Variants in CYP20A1 observed in about 807,000 individuals in gnomAD.
CYP20A1 encodes cytochrome P450 20A1.
A neutral mutation model predicts 61.4 loss-of-function variants in CYP20A1; 61 were observed. The ratio of observed to expected loss-of-function variants is 0.99; its 90% CI spans 0.81 to 1.23. CYP20A1 has a LOEUF of 1.23. Among genes scored for constraint, CYP20A1 ranks in the 50% most tolerant of loss-of-function variants. The probability of loss-of-function intolerance (pLI) is 0.00; values close to 1 mark genes in which losing one functional copy is unlikely to be tolerated. For missense variants in CYP20A1, 530 were observed against 542.4 expected (o/e 0.98, Z 0.23); for synonymous variants, 193 against 188.2 (o/e 1.03, Z -0.21).
intron 6 of CYP20A1, among the ~76,000 whole-genome samples, chr2:203,276,255 A>G (rs955103229): frequency 1.3e-5 from 2 of 152,174 alleles, no homozygotes; most frequent in African/African-American, 4.8e-5. Flanking sequence ...GGTCAGAAAG[A>G]CTGGAGACAG....
chr2:203,272,949 C>A (rs1042799668), intron 6 of CYP20A1, among the ~76,000 whole-genome samples: 2 of 151,590 alleles, frequency 1.3e-5, no homozygotes, highest in Non-Finnish European at 2.9e-5. Context: ...CAGGTTCAAG[C>A]AATTCTCCTG....
intron 10 of CYP20A1, 102 bp from the exon 11 acceptor site, chr2:203,292,160 G>A (rs1052338916): frequency 6.3e-6 from 4 of 634,892 alleles, no homozygotes; most frequent in Non-Finnish European, 1.1e-5. Flanking sequence ...TTATTATTTT[G>A]TATTCAATAT....
intron 3 of CYP20A1, among the ~76,000 whole-genome samples, chr2:203,248,499 G>A (rs189949091): frequency 1.3e-5 from 2 of 151,766 alleles, no homozygotes; most frequent in Non-Finnish European, 2.9e-5. Flanking sequence ...ATACCACTGC[G>A]CTCCAGCCTG....
chr2:203,291,726 G>A (rs927578678), intron 10 of CYP20A1, among the ~76,000 whole-genome samples: 7 of 150,952 alleles, frequency 4.6e-5, no homozygotes, highest in African/African-American at 7.3e-5. Flanking sequence ...TGTGTACAAC[G>A]TGCAGGTTTG....
chr2:203,270,678 T>C (rs2067524893), intron 5 of CYP20A1, among the ~76,000 whole-genome samples: 1 of 151,892 alleles, frequency 6.6e-6, no homozygotes, highest in Non-Finnish European at 1.5e-5. Flanking sequence ...TGTTCTGTCA[T>C]GTTTAGAAAC....
intron 5 of CYP20A1, 79 bp from the exon 6 acceptor site, chr2:203,272,591 T>G: frequency 4.4e-5 from 23 of 518,954 alleles, no homozygotes; most frequent in Non-Finnish European, 6.1e-5. Flanking sequence ...AGTTCCTAAG[T>G]CATTAGGTTA....
In CYP20A1 at chr2:203,289,814, CCA is replaced by C. The variant is rs2068455083; in HGVS notation, c.1022_1023del (p.Pro341ArgfsTer9). The C allele has an allele frequency of 6.2e-7, 1 of 1,601,196 alleles. No homozygotes were observed. The highest frequency in any genetic ancestry group is 8.5e-7 in the Non-Finnish European group (1 of 1,173,234). On this transcript the variant is annotated frameshift_variant, in exon 10 of 13. Transcript: ENST00000356079. LOFTEE classifies it high-confidence loss of function. ...AACTGTTCGAACTGCCAAACTGACT[CCA>C]GTTTCTGCCCAGCTTCAAGATATTG... ...CETVRTAKLT[P>X]VSAQLQDIEG...
At chr2:203,281,685 C>T (rs1223530733) in intron 8 of CYP20A1, among the ~76,000 whole-genome samples, 1 of 151,938 alleles carries the variant, frequency 6.6e-6, no homozygotes, top group Admixed American at 6.6e-5. Flanking sequence ...CCTGTAATCT[C>T]AGCTACTGAG....
chr2:203,268,760 T>G (rs1169594622), intron 5 of CYP20A1, among the ~76,000 whole-genome samples: 1 of 152,268 alleles, frequency 6.6e-6, no homozygotes, highest in East Asian at 1.9e-4. Context: ...AGTGTATCCA[T>G]CACCCAAATA....
intron 5 of CYP20A1, among the ~76,000 whole-genome samples, chr2:203,271,003 T>G (rs1477249751): frequency 7.0e-6 from 1 of 142,778 alleles, no homozygotes; most frequent in African/African-American, 2.6e-5. Context: ...TACTATTCAT[T>G]TTTACAGTAG....
At chr2:203,246,033 G>T (rs2066448933) in intron 2 of CYP20A1, 138 bp downstream of exon 2, 18 of 596,982 alleles carry the variant, frequency 3.0e-5, no homozygotes. Flanking sequence ...TTGAGGCCAG[G>T]AGTTTAATGC....
At chr2:203,271,967 C>G (rs537631184) in intron 5 of CYP20A1, among the ~76,000 whole-genome samples, 1 of 152,042 alleles carries the variant, frequency 6.6e-6, no homozygotes, top group Non-Finnish European at 1.5e-5. Context: ...GTGGAAGTTG[C>G]AGTCAGCCGA....
intron 5 of CYP20A1, among the ~76,000 whole-genome samples, chr2:203,271,817 C>T (rs898033802): frequency 2.0e-5 from 3 of 152,096 alleles, no homozygotes; most frequent in African/African-American, 4.8e-5. Context: ...GGGTGGATCA[C>T]CTGAGGTCAG....
In CYP20A1 at chr2:203,300,495, A is replaced by G. The variant is rs945070064; in HGVS notation, c.*3587A>G. 1.8e-4 allele frequency among the ~76,000 whole-genome samples: 28 copies of G among 152,200 alleles called. No homozygotes were observed. The highest frequency in any genetic ancestry group is 5.5e-4 in the African/African-American group (23 of 41,450). ...GAACTATCAAATGGGTTTTTAATTG[A>G]TATTGAAGTAAGTAAGTTTTGTAGC... On this transcript the variant is annotated 3_prime_UTR_variant, in exon 13 of 13. Coordinates refer to ENST00000356079, the MANE Select transcript of CYP20A1 (RefSeq NM_177538.3).
chr2:203,249,907 A>T (rs1174043331), intron 3 of CYP20A1, among the ~76,000 whole-genome samples: 1 of 152,214 alleles, frequency 6.6e-6, no homozygotes, highest in Admixed American at 6.5e-5. Flanking sequence ...AGAAAGGAGT[A>T]AACAAATTTA....
In CYP20A1 at chr2:203,254,839, A is replaced by T. The variant is rs566803328; in HGVS notation, c.432+2730A>T. ...GTCCATCTCTACTAAAAATACAGAA[A>T]AATTAGCCGGGCGTGGTGGCACGTG... is the stretch of plus-strand genomic sequence containing the variant. On this transcript the variant is annotated intron_variant, in intron 4 of 12. Transcript: ENST00000356079. Among the ~76,000 whole-genome samples, 6 of 152,086 alleles carry T rather than the reference A, an allele frequency of 3.9e-5. No individual in the cohort carries two copies. In the East Asian group the frequency reaches 1.2e-3, roughly 29 times the overall value.
Position 203,292,167 on chromosome 2 carries a change from A to G in CYP20A1, c.1084-95A>G, listed in dbSNP as rs879203489. 18 of 686,920 alleles carry G rather than the reference A, an allele frequency of 2.6e-5. No individual in the cohort carries two copies. The South Asian group carries it at 2.7e-4, about 10-fold the overall frequency. 42.6% of individuals were successfully genotyped at this position (686,920 alleles called of 1,614,324 possible). On this transcript the variant is annotated intron_variant, in intron 10 of 12. Coordinates refer to ENST00000356079, the MANE Select transcript of CYP20A1 (RefSeq NM_177538.3). ...TTTTTAAATTATTATTTTGTATTCAATATCTATATTAAAAGAAGTTTGGAA... is the reference window on the plus strand; with the variant it reads ...TTTTTAAATTATTATTTTGTATTCAGTATCTATATTAAAAGAAGTTTGGAA...
chr2:203,239,030 G>T lies in CYP20A1; in HGVS notation c.-33G>T, dbSNP rs764296404. 3 of 1,604,548 alleles carry T rather than the reference G, an allele frequency of 1.9e-6. No individual in the cohort carries two copies. Among genetic ancestry groups the T allele is most frequent in the South Asian group, 2.2e-5 (2 of 90,886 alleles). On this transcript the variant is annotated 5_prime_UTR_variant, in exon 1 of 13. Coordinates refer to ENST00000356079, the MANE Select transcript of CYP20A1 (RefSeq NM_177538.3). The stretch of plus-strand genomic sequence containing the variant: ...CTGAGGCGCTGCTGCTGGAGCGGCC[G>T]ATCCGAGACGTGGCTCCCTGGGCGG...
intron 1 of CYP20A1, among the ~76,000 whole-genome samples, chr2:203,243,977 A>G (rs1195807079): frequency 6.6e-6 from 1 of 152,146 alleles, no homozygotes; most frequent in Non-Finnish European, 1.5e-5. Context: ...GATGCAAGCC[A>G]CCACACCTGG....
Sources: gnomAD v4.1 joint callset for allele counts (sites outside exome capture counted in the v4.1 genomes callset) on GRCh38, gnomAD v4.1.1 for gene constraint, MANE v1.5 for transcripts, NCBI Gene and HGNC (gene_info 2026-07-23, HGNC 2026-07-21) for gene names.